STX2: variants seen among roughly 807,000 people sequenced by gnomAD.
STX2 encodes the protein syntaxin 2, also known as syntaxin-2.
Under a neutral mutation model 40.6 loss-of-function variants are expected in STX2, and 27 were observed. The observed-to-expected ratio is 0.66, with a 90% CI of 0.49 to 0.92. The LOEUF is 0.92. Among genes scored for constraint, STX2 ranks in the 40% least tolerant of loss-of-function variants. The pLI is 0.00. For synonymous variants in STX2, 123 were observed against 119.1 expected (o/e 1.03, Z -0.22); for missense variants, 328 against 366.1 (o/e 0.90, Z 0.85).
At chr12:130,832,579 G>C (rs1310937927) in intron 1 of STX2, among the ~76,000 whole-genome samples, 7 of 152,032 alleles carry the variant, frequency 4.6e-5, no homozygotes, top group East Asian at 1.9e-4. Context: ...AGCTACCAAG[G>C]GCCCACCACA....
rs1322627221 is a variant in STX2, at chr12:130,790,167, A to T, written c.*1856T>A. 4.6e-5 allele frequency: 7 copies of T among 152,212 alleles called. No homozygotes were observed. Among genetic ancestry groups the T allele is most frequent in the Non-Finnish European group, 1.0e-4 (7 of 68,058 alleles). The allele number at this position is 152,212 out of a possible 1,614,324, so 9.4% of individuals were successfully genotyped here. A position where few individuals can be genotyped will look rare whatever the true frequency, so the allele number is the denominator to read the frequency against. On this transcript the variant is annotated 3_prime_UTR_variant, in exon 11 of 11. Coordinates refer to ENST00000392373, the MANE Select transcript of STX2 (RefSeq NM_194356.4). ...CGACAGGGTGTTTAAAGACCAAAAG[A>T]AAAAGAACAGTCAGAGGCAGAATTC... is the stretch of plus-strand genomic sequence containing the variant.
intron 1 of STX2, among the ~76,000 whole-genome samples, chr12:130,834,857 G>T (rs1952703539): frequency 6.6e-6 from 1 of 152,200 alleles, no homozygotes; most frequent in Admixed American, 6.5e-5. Flanking sequence ...AAGTTCCAGT[G>T]AAGTTTTTTA....
intron 1 of STX2, among the ~76,000 whole-genome samples, chr12:130,838,292 C>A (rs890699438): frequency 6.6e-6 from 1 of 152,252 alleles, no homozygotes; most frequent in Non-Finnish European, 1.5e-5. Flanking sequence ...GCTGTCACTG[C>A]ACCATGCACA....
chr12:130,805,935 C>T (rs553666586), intron 6 of STX2, among the ~76,000 whole-genome samples: 76 of 152,266 alleles, frequency 5.0e-4, no homozygotes, highest in Non-Finnish European at 8.2e-4. Flanking sequence ...CAGACAAAGA[C>T]GGTTCAAGTT....
chr12:130,820,526 CGTG>C (rs1952071093), intron 3 of STX2, among the ~76,000 whole-genome samples: 1 of 151,978 alleles, frequency 6.6e-6, no homozygotes, highest in Non-Finnish European at 1.5e-5. Context: ...ATTAGCTGGG[CGTG>C]GTGGTGGGCA....
At chr12:130,829,055 C>G (rs1293972354) in intron 1 of STX2, among the ~76,000 whole-genome samples, 3 of 151,962 alleles carry the variant, frequency 2.0e-5, no homozygotes, top group African/African-American at 7.3e-5. Flanking sequence ...GGAGTCAGAC[C>G]AGGTGCGTTA....
At chr12:130,793,141 TAC>T (rs1950926786) in intron 10 of STX2, among the ~76,000 whole-genome samples, 1 of 152,198 alleles carries the variant, frequency 6.6e-6, no homozygotes, top group Non-Finnish European at 1.5e-5. Context: ...CAGTCAGTTA[TAC>T]AGGGTTATCA....
intron 3 of STX2, 152 bp downstream of exon 3, chr12:130,821,537 C>T (rs1353516048): frequency 2.2e-5 from 14 of 629,598 alleles, no homozygotes; most frequent in Non-Finnish European, 3.6e-5. Context: ...CCTGGCTCGC[C>T]CCAGGCCAAA....
At position 130,839,230 on chromosome 12, in the gene STX2, C is replaced by T. The variant is rs1357313047; in HGVS notation, c.-131G>A. 3 of 818,518 alleles carry T rather than the reference C, an allele frequency of 3.7e-6. No homozygotes were observed. Among genetic ancestry groups the T allele is most frequent in the African/African-American group, 1.8e-5 (1 of 54,172 alleles). 50.7% of individuals were successfully genotyped at this position (818,518 alleles called of 1,614,324 possible). ...CGGCGCCAGCAGCCCTCCCTGGAGC[C>T]GGCGCTGCCACGGCAACCGCGCCCC... On this transcript the variant is annotated 5_prime_UTR_variant, in exon 1 of 11. Transcript: ENST00000392373.
At chr12:130,836,537 G>A (rs1952761479) in intron 1 of STX2, among the ~76,000 whole-genome samples, 1 of 152,184 alleles carries the variant, frequency 6.6e-6, no homozygotes, top group African/African-American at 2.4e-5. Flanking sequence ...GCCTCCCAAA[G>A]TGCTGGGACT....
intron 5 of STX2, among the ~76,000 whole-genome samples, chr12:130,808,196 G>A (rs1186027174): frequency 6.6e-6 from 1 of 152,184 alleles, no homozygotes; most frequent in Non-Finnish European, 1.5e-5. Context: ...CACGGGAGGA[G>A]TGCAGAATCG....
At chr12:130,829,551 A>G (rs945941463) in intron 1 of STX2, among the ~76,000 whole-genome samples, 11 of 150,924 alleles carry the variant, frequency 7.3e-5, no homozygotes, top group African/African-American at 2.7e-4. Flanking sequence ...GGTCCCACAG[A>G]CTCCCCTTGC....
At chr12:130,835,400 T>G (rs1952724397) in intron 1 of STX2, among the ~76,000 whole-genome samples, 1 of 152,258 alleles carries the variant, frequency 6.6e-6, no homozygotes, top group South Asian at 2.1e-4. Flanking sequence ...GTGTATTTAT[T>G]GTTTATTATC....
chr12:130,804,608 C>A (rs536408928), intron 6 of STX2, among the ~76,000 whole-genome samples: 1 of 152,240 alleles, frequency 6.6e-6, no homozygotes, highest in Admixed American at 6.5e-5. Context: ...CTCTCGGGGG[C>A]TTCTGTTCGT....
rs183560243 is a variant in STX2 at position 130,800,166 on chromosome 12, C to T, written c.675+987G>A. On this transcript the variant is annotated intron_variant, in intron 8 of 10. Transcript: ENST00000392373. The stretch of plus-strand genomic sequence containing the variant: ...TATCTCCATGGTATTTGAAAAATAA[C>T]GAGAAGACCTTATTCAAAGACAAAG... Among the ~76,000 whole-genome samples the T allele has an allele frequency of 7.3e-3, 1,106 of 152,244 alleles. 6 individuals are homozygous for T. Among genetic ancestry groups the T allele is most frequent in the South Asian group, 0.016 (76 of 4,824 alleles).
chr12:130,818,184 AAATATATATATATATAT>A (rs1260987589), intron 3 of STX2, among the ~76,000 whole-genome samples: 4 of 37,254 alleles, frequency 1.1e-4, no homozygotes, highest in Admixed American at 3.5e-4. Flanking sequence ...AAAAAAAAAA[AAATATATATATATATAT>A]ATATATATAT....
chr12:130,827,351 AC>A, intron 1 of STX2, 84 bp from the exon 2 acceptor site: 1 of 1,053,132 alleles, frequency 9.5e-7, no homozygotes, highest in African/African-American at 1.6e-5. Flanking sequence ...ACAGTTCAAT[AC>A]CCACAAGATC....
At chr12:130,830,979 A>C (rs1952537438) in intron 1 of STX2, among the ~76,000 whole-genome samples, 1 of 152,236 alleles carries the variant, frequency 6.6e-6, no homozygotes, top group Admixed American at 6.5e-5. Context: ...TGTTAACAGA[A>C]GTCTCCTTAA....
Position 130,801,472 on chromosome 12 carries a change from T to C in STX2, c.480A>G (p.Thr160=), listed in dbSNP as rs984859312. The change falls in exon 7 of 11, where the codon ACA becomes ACG. Residue 160 remains threonine (T), a synonymous_variant. Transcript: ENST00000392373. ...CCAGCATCTCTTCTAGCTCGTCGTC[T>C]GTGGTGGTTCTCCCAGCTGAAAGAC... is the stretch of plus-strand genomic sequence containing the variant. ...RQLEITGRTT[T]DDELEEMLES... The C allele has an allele frequency of 2.5e-6, 4 of 1,605,608 alleles. No homozygotes were observed. The African/African-American group carries it at 4.0e-5, about 16-fold the overall frequency.
Sources: allele counts gnomAD v4.1 joint callset (sites outside exome capture counted in the v4.1 genomes callset), GRCh38; gene constraint gnomAD v4.1.1; transcripts MANE v1.5; gene names NCBI Gene and HGNC (gene_info 2026-07-23, HGNC 2026-07-21).